FHIT: variants seen among roughly 807,000 people sequenced by gnomAD.
FHIT encodes the protein fragile histidine triad diadenosine triphosphatase.
A neutral mutation model predicts 17.9 loss-of-function variants in FHIT; 19 were observed. The observed-to-expected ratio is 1.06, with a 90% CI of 0.74 to 1.56. The LOEUF (loss-of-function observed/expected upper bound fraction) is 1.56, where lower values mean the gene tolerates loss of function less well. FHIT is among the 40% of genes most tolerant of loss of function. The pLI is 0.00. For missense variants in FHIT, 248 were observed against 189.2 expected (o/e 1.31, Z -1.82); for synonymous variants, 81 against 69.7 (o/e 1.16, Z -0.81).
chr3:59,817,257 C>A (rs1319511935), intron 8 of FHIT, among the ~76,000 whole-genome samples: 1 of 152,056 alleles, frequency 6.6e-6, no homozygotes, highest in Non-Finnish European at 1.5e-5. Flanking sequence ...GGTTTGCTAT[C>A]CCAGATAGGT....
At chr3:60,656,449 T>C (rs2040118087) in intron 4 of FHIT, among the ~76,000 whole-genome samples, 1 of 152,186 alleles carries the variant, frequency 6.6e-6, no homozygotes, top group South Asian at 2.1e-4. Flanking sequence ...TGGGCCAAGA[T>C]AGCAAGTATG....
intron 7 of FHIT, among the ~76,000 whole-genome samples, chr3:59,996,450 G>C (rs907363614): frequency 4.6e-5 from 7 of 152,142 alleles, no homozygotes; most frequent in Middle Eastern, 3.4e-3. Context: ...AGCCTCAGGG[G>C]AATAGGAGGC....
chr3:60,477,462 C>G (rs1399516295), intron 5 of FHIT, among the ~76,000 whole-genome samples: 1 of 152,130 alleles, frequency 6.6e-6, no homozygotes, highest in Non-Finnish European at 1.5e-5. Flanking sequence ...GACATCATTA[C>G]TAGCTTATGC....
intron 2 of FHIT, among the ~76,000 whole-genome samples, chr3:61,183,983 C>A (rs75773855): frequency 6.6e-6 from 1 of 152,200 alleles, no homozygotes; most frequent in African/African-American, 2.4e-5. Flanking sequence ...TTTTTTACTT[C>A]TTTCTCAGTC....
At chr3:60,004,440 T>C (rs888798813) in intron 7 of FHIT, among the ~76,000 whole-genome samples, 1 of 152,280 alleles carries the variant, frequency 6.6e-6, no homozygotes, top group Admixed American at 6.5e-5. Context: ...CTGCCATAAA[T>C]TGACATACAG....
At chr3:60,144,641 C>T (rs1700165335) in intron 5 of FHIT, among the ~76,000 whole-genome samples, 5 of 151,792 alleles carry the variant, frequency 3.3e-5, no homozygotes, top group South Asian at 4.2e-4. Flanking sequence ...ATAATATTTA[C>T]GGGGTACAAT....
At chr3:60,855,175 G>A (rs527701017) in intron 3 of FHIT, among the ~76,000 whole-genome samples, 13 of 152,196 alleles carry the variant, frequency 8.5e-5, no homozygotes, top group Admixed American at 2.0e-4. Context: ...CCCAAATTCT[G>A]ACGGGCAGCA....
At chr3:60,048,137 T>C (rs1236522989) in intron 5 of FHIT, among the ~76,000 whole-genome samples, 2 of 152,090 alleles carry the variant, frequency 1.3e-5, no homozygotes, top group African/African-American at 4.8e-5. Flanking sequence ...CCAGACCAGA[T>C]TGGGACCCAC....
At chr3:60,775,786 G>A (rs1043229157) in intron 4 of FHIT, among the ~76,000 whole-genome samples, 3 of 152,082 alleles carry the variant, frequency 2.0e-5, no homozygotes, top group African/African-American at 2.4e-5. Context: ...ACTCCATGCC[G>A]GGGCTGGGAC....
intron 8 of FHIT, among the ~76,000 whole-genome samples, chr3:59,757,640 CGGG>C (rs998009116): frequency 7.9e-5 from 12 of 152,210 alleles, no homozygotes; most frequent in Admixed American, 3.3e-4. Context: ...TGTCTTCAAA[CGGG>C]GGAAAACTAC....
At chr3:60,943,868 T>C (rs549172724) in intron 3 of FHIT, among the ~76,000 whole-genome samples, 2 of 152,332 alleles carry the variant, frequency 1.3e-5, no homozygotes, top group Admixed American at 1.3e-4. Context: ...AATCCACTAC[T>C]ACTCTTATTT....
At chr3:60,454,386 T>G (rs1037840867) in intron 5 of FHIT, among the ~76,000 whole-genome samples, 1 of 148,212 alleles carries the variant, frequency 6.7e-6, no homozygotes, top group Admixed American at 6.8e-5. Context: ...TAACCAAACT[T>G]TTTTTTTTTT....
intron 7 of FHIT, among the ~76,000 whole-genome samples, chr3:59,983,206 T>C (rs1448829562): frequency 1.3e-5 from 2 of 152,098 alleles, no homozygotes; most frequent in Admixed American, 6.6e-5. Flanking sequence ...CCCAAAGTGC[T>C]AGGATTAGAG....
At chr3:60,360,484 G>A (rs1321438282) in intron 5 of FHIT, among the ~76,000 whole-genome samples, 3 of 152,156 alleles carry the variant, frequency 2.0e-5, no homozygotes, top group African/African-American at 7.2e-5. Context: ...AAAAATGCAA[G>A]TCTTTGACTC....
At chr3:60,264,025 T>C (rs1576389197) in intron 5 of FHIT, among the ~76,000 whole-genome samples, 1 of 152,014 alleles carries the variant, frequency 6.6e-6, no homozygotes, top group South Asian at 2.1e-4. Flanking sequence ...AAACTTGTTA[T>C]GTCCTGAGGT....
intron 5 of FHIT, among the ~76,000 whole-genome samples, chr3:60,509,852 T>G (rs887404229): frequency 6.6e-6 from 1 of 152,224 alleles, no homozygotes; most frequent in African/African-American, 2.4e-5. Context: ...GAAAATATTT[T>G]TTCATTGTCT....
chr3:60,259,923 GA>G (rs1324583409), intron 5 of FHIT, among the ~76,000 whole-genome samples: 1 of 152,018 alleles, frequency 6.6e-6, no homozygotes, highest in Non-Finnish European at 1.5e-5. Flanking sequence ...TAATTCAAGG[GA>G]GGGAAAGCAA....
At chr3:60,763,488 T>C (rs1553720600) in intron 4 of FHIT, among the ~76,000 whole-genome samples, 1 of 152,202 alleles carries the variant, frequency 6.6e-6, no homozygotes, top group East Asian at 1.9e-4. Flanking sequence ...GCATTATCTC[T>C]ACCCTGTGAA....
intron 5 of FHIT, among the ~76,000 whole-genome samples, chr3:60,456,492 C>T (rs1341519219): frequency 2.0e-5 from 3 of 152,158 alleles, no homozygotes; most frequent in African/African-American, 7.2e-5. Context: ...TGGAACTAAC[C>T]TATTTAGTCT....
Sources: gnomAD v4.1 joint callset for allele counts (sites outside exome capture counted in the v4.1 genomes callset) on GRCh38, gnomAD v4.1.1 for gene constraint, MANE v1.5 for transcripts, NCBI Gene and HGNC (gene_info 2026-07-23, HGNC 2026-07-21) for gene names.